The following ANO2 variants were observed in gnomAD, a reference collection of about 807,000 sequenced individuals.
ANO2 encodes anoctamin 2.
Under a neutral mutation model 124.2 loss-of-function variants are expected in ANO2, and 101 were observed. The observed-to-expected ratio is 0.81, with a 90% CI of 0.69 to 0.96. The LOEUF is 0.96. Among genes scored for constraint, ANO2 ranks in the 40% least tolerant of loss-of-function variants. The probability of loss-of-function intolerance (pLI) is 0.00; values close to 1 mark genes in which losing one functional copy is unlikely to be tolerated. For synonymous variants in ANO2, 486 were observed against 482.5 expected, an observed-to-expected ratio of 1.01 and a Z score of -0.09; for missense variants, 1,293 against 1,274.5, an observed-to-expected ratio of 1.01 and a Z score of -0.22.
At chr12:5,682,337 TTCTC>T (rs3067753) in intron 14 of ANO2, among the ~76,000 whole-genome samples, 55,606 of 149,950 alleles carry the variant, frequency 0.37, 11,752 homozygotes, top group East Asian at 0.59. Context: ...CTCTTTCTCT[TTCTC>T]TCTCTCTCTC....
intron 12 of ANO2, among the ~76,000 whole-genome samples, 156 bp from the exon 13 acceptor site, chr12:5,739,555 T>C (rs1298756288): frequency 1.3e-5 from 2 of 150,374 alleles, no homozygotes; most frequent in African/African-American, 2.4e-5. Context: ...TAGGTGAAAC[T>C]GCTAGAAATA....
intron 16 of ANO2, among the ~76,000 whole-genome samples, chr12:5,619,643 A>C (rs187440436): frequency 6.6e-4 from 101 of 152,234 alleles, no homozygotes; most frequent in African/African-American, 2.3e-3. Context: ...TGCTCTCTCT[A>C]TCTCTCTTCC....
chr12:5,623,143 T>C (rs1945211811), intron 16 of ANO2, among the ~76,000 whole-genome samples: 1 of 151,960 alleles, frequency 6.6e-6, no homozygotes, highest in Non-Finnish European at 1.5e-5. Flanking sequence ...GGGGTCTGAA[T>C]CTCAACCCCA....
At chr12:5,629,685 T>A (rs914208233) in intron 16 of ANO2, among the ~76,000 whole-genome samples, 2 of 152,154 alleles carry the variant, frequency 1.3e-5, no homozygotes, top group Non-Finnish European at 2.9e-5. Flanking sequence ...ACTAAGAGAC[T>A]TTGTCCCACC....
chr12:5,888,919 G>A (rs932461334), intron 3 of ANO2, among the ~76,000 whole-genome samples: 8 of 152,224 alleles, frequency 5.3e-5, no homozygotes, highest in South Asian at 2.1e-4. Context: ...TTGGGTGGTC[G>A]AAGGGACTGG....
At chr12:5,745,896 G>C (rs966541705) in intron 11 of ANO2, among the ~76,000 whole-genome samples, 1 of 152,094 alleles carries the variant, frequency 6.6e-6, no homozygotes, top group Admixed American at 6.5e-5. Flanking sequence ...ATGTCTTCTG[G>C]GTCAGACCTG....
intron 7 of ANO2, among the ~76,000 whole-genome samples, chr12:5,824,513 C>T (rs2137204773): frequency 6.6e-6 from 1 of 152,312 alleles, no homozygotes; most frequent in South Asian, 2.1e-4. Context: ...TCCCCTCCAT[C>T]TGAGACCACC....
intron 14 of ANO2, among the ~76,000 whole-genome samples, chr12:5,698,903 G>C: frequency 6.6e-6 from 1 of 152,090 alleles, no homozygotes; most frequent in East Asian, 1.9e-4. Context: ...AGAAAAAAGA[G>C]TAAAAAGAAA....
chr12:5,811,733 T>C (rs1019483105), intron 7 of ANO2, among the ~76,000 whole-genome samples: 5 of 152,236 alleles, frequency 3.3e-5, no homozygotes, highest in African/African-American at 4.8e-5. Context: ...GCCCTGACAA[T>C]TGACCTTAGG....
At chr12:5,737,985 T>A (rs756475) in intron 13 of ANO2, among the ~76,000 whole-genome samples, 1 of 152,170 alleles carries the variant, frequency 6.6e-6, no homozygotes, top group Non-Finnish European at 1.5e-5. Context: ...GAGTAGAGTG[T>A]GTACCCAATA....
chr12:5,867,985 C>T (rs1379749380), intron 3 of ANO2, among the ~76,000 whole-genome samples: 1 of 152,008 alleles, frequency 6.6e-6, no homozygotes, highest in African/African-American at 2.4e-5. Flanking sequence ...AAAAATAAGA[C>T]ATAGTATTCA....
At chr12:5,565,376 C>T (rs1941685494) in intron 24 of ANO2, among the ~76,000 whole-genome samples, 182 bp downstream of exon 24, 2 of 152,144 alleles carry the variant, frequency 1.3e-5, no homozygotes, top group African/African-American at 2.4e-5. Context: ...TTAAAGAAAG[C>T]CCTCTCAAGA....
At chr12:5,614,525 C>A (rs916257342) in intron 17 of ANO2, among the ~76,000 whole-genome samples, 3 of 152,142 alleles carry the variant, frequency 2.0e-5, no homozygotes, top group African/African-American at 7.2e-5. Flanking sequence ...GGTGACACAT[C>A]CTGAGGACAT....
chr12:5,826,437 CATATATATATATATATATATAT>C (rs10526567), intron 7 of ANO2, among the ~76,000 whole-genome samples: 45,578 of 144,046 alleles, frequency 0.32, 7,484 homozygotes, highest in Middle Eastern at 0.38. Context: ...TTAATAAACT[CATATATATATATATATATATAT>C]ATATATATAT....
At chr12:5,783,506 T>G (rs1952459868) in intron 10 of ANO2, among the ~76,000 whole-genome samples, 1 of 152,216 alleles carries the variant, frequency 6.6e-6, no homozygotes, top group Admixed American at 6.5e-5. Context: ...ACCCAGCTCT[T>G]AGGAAGTATC....
chr12:5,700,788 C>T (rs181449158), intron 14 of ANO2, among the ~76,000 whole-genome samples: 1 of 152,312 alleles, frequency 6.6e-6, no homozygotes, highest in African/African-American at 2.4e-5. Flanking sequence ...GATCCACCCA[C>T]TCAACCCCAC....
At chr12:5,810,474 C>A (rs34563453) in intron 7 of ANO2, among the ~76,000 whole-genome samples, 1 of 152,150 alleles carries the variant, frequency 6.6e-6, no homozygotes, top group African/African-American at 2.4e-5. Context: ...TTCCATCATG[C>A]GCCATCCATC....
intron 23 of ANO2, among the ~76,000 whole-genome samples, chr12:5,568,172 C>T (rs1941887446): frequency 7.1e-6 from 1 of 141,456 alleles, no homozygotes. Context: ...TGGAGTCTCG[C>T]TCTGTCGCCC....
intron 14 of ANO2, among the ~76,000 whole-genome samples, chr12:5,692,306 C>T (rs554873316): frequency 5.9e-5 from 9 of 152,040 alleles, no homozygotes; most frequent in Non-Finnish European, 8.8e-5. Context: ...ATGACTCCTA[C>T]GTTTTCGTCC....
Sources: gnomAD v4.1 joint callset for allele counts (sites outside exome capture counted in the v4.1 genomes callset) on GRCh38, gnomAD v4.1.1 for gene constraint, MANE v1.5 for transcripts, NCBI Gene and HGNC (gene_info 2026-07-23, HGNC 2026-07-21) for gene names.